FGF6: variants seen among roughly 807,000 people sequenced by gnomAD.
The protein encoded by FGF6 is FGF-6.
Under a neutral mutation model 18.4 loss-of-function variants are expected in FGF6, and 14 were observed. The ratio of observed to expected loss-of-function variants is 0.76; its 90% confidence interval spans 0.50 to 1.19. The LOEUF is 1.19. Ranked by LOEUF, FGF6 falls within the 50% of genes most tolerant of loss-of-function variation. The probability of loss-of-function intolerance (pLI) is 0.00; values close to 1 mark genes in which losing one functional copy is unlikely to be tolerated. For synonymous variants in FGF6, 125 were observed against 116.7 expected, an observed-to-expected ratio of 1.07 and a Z score of -0.46; for missense variants, 266 against 271.6, an observed-to-expected ratio of 0.98 and a Z score of 0.15.
At chr12:4,443,327 G>C (rs1865714542) in intron 2 of FGF6, among the ~76,000 whole-genome samples, 1 of 152,186 alleles carries the variant, frequency 6.6e-6, no homozygotes. Context: ...GGCCTGCTCT[G>C]AGGTCTTCCT....
intron 2 of FGF6, among the ~76,000 whole-genome samples, chr12:4,440,203 A>G (rs1865674880): frequency 6.6e-6 from 1 of 152,172 alleles, no homozygotes; most frequent in Non-Finnish European, 1.5e-5. Context: ...AAATATCTTC[A>G]ATTTGATGTA....
At chr12:4,439,958 C>T (rs564597189) in intron 2 of FGF6, among the ~76,000 whole-genome samples, 3 of 152,306 alleles carry the variant, frequency 2.0e-5, no homozygotes, top group South Asian at 2.1e-4. Flanking sequence ...GGGATTTTCC[C>T]GATGCCCAGA....
At chr12:4,434,735 T>C (rs1004465241) in intron 2 of FGF6, among the ~76,000 whole-genome samples, 4 of 152,186 alleles carry the variant, frequency 2.6e-5, no homozygotes, top group African/African-American at 9.7e-5. Context: ...CCCTAGATGG[T>C]AACTTATTCC....
At chr12:4,443,157 G>A (rs750720299) in intron 2 of FGF6, among the ~76,000 whole-genome samples, 2 of 152,142 alleles carry the variant, frequency 1.3e-5, no homozygotes, top group African/African-American at 2.4e-5. Context: ...TGGTGAACCC[G>A]TTCTTGTATT....
chr12:4,437,083 C>G (rs962141441), intron 2 of FGF6, among the ~76,000 whole-genome samples: 3 of 151,498 alleles, frequency 2.0e-5, no homozygotes, highest in Non-Finnish European at 2.9e-5. Flanking sequence ...CATTTAACCT[C>G]TAAAGCTTCA....
rs780815418 is a variant in FGF6 at position 4,444,113 on chromosome 12, C to T, written c.450+20G>A. On this transcript the variant is annotated intron_variant, in intron 2 of 2. Transcript: ENST00000228837. ...ATCAAGCCTTGTAAACCTGGCACTT[C>T]CCCGGCCTGGTGAACTCACCGTTGC... 2.6e-6 allele frequency: 4 copies of T among 1,536,048 alleles called. No homozygotes were observed. The Admixed American group carries it at 5.0e-5, about 19-fold the overall frequency.
At chr12:4,438,243 C>G (rs548720978) in intron 2 of FGF6, among the ~76,000 whole-genome samples, 12 of 152,272 alleles carry the variant, frequency 7.9e-5, no homozygotes, top group African/African-American at 1.2e-4. Context: ...ACACTATGCT[C>G]TCATTAGTGA....
rs201208817 is a variant in FGF6, at chr12:4,445,339, A to C, written c.232T>G (p.Tyr78Asp). ...CGCTGCCGCTTGATCCCCACCAAAT[A>C]GCCACTTTCCCAGTTCACCCCGGCA... ...EIAGVNWESG[Y>D]LVGIKRQRRL... The change falls in exon 1 of 3, where the codon TAT (tyrosine) becomes GAT (aspartate). Residue 78 changes from tyrosine (Y) to aspartate (D), a missense_variant. By Grantham distance (160) the Tyr-to-Asp change is radical. Coordinates refer to ENST00000228837, the MANE Select transcript of FGF6 (RefSeq NM_020996.3). The surrounding 1 kb of genome is among the most constrained non-coding windows in gnomAD (Gnocchi z 5.5). 6.2e-7 allele frequency: 1 copy of C among 1,614,018 alleles called. No homozygotes were observed. Among genetic ancestry groups the C allele is most frequent in the Non-Finnish European group, 8.5e-7 (1 of 1,180,014 alleles).
chr12:4,443,429 A>G (rs375701409), intron 2 of FGF6, among the ~76,000 whole-genome samples: 75 of 152,330 alleles, frequency 4.9e-4, no homozygotes, highest in African/African-American at 1.7e-3. Context: ...AAGCCAAATG[A>G]TGGGCCGAGG....
intron 2 of FGF6, among the ~76,000 whole-genome samples, chr12:4,441,392 C>T (rs1368895388): frequency 3.3e-5 from 5 of 152,134 alleles, no homozygotes; most frequent in African/African-American, 9.7e-5. Flanking sequence ...ACCGGGTGTC[C>T]GCAGCTGCAC....
chr12:4,434,616 G>A (rs187594033), intron 2 of FGF6, among the ~76,000 whole-genome samples: 2 of 152,168 alleles, frequency 1.3e-5, no homozygotes, highest in East Asian at 1.9e-4. Context: ...CCTCCTTTAC[G>A]ATAAGGAAAC....
chr12:4,445,198 TC>T lies in FGF6; in HGVS notation c.346+26del. 1.9e-6 allele frequency: 3 copies of T among 1,577,568 alleles called. No individual in the cohort carries two copies. Among genetic ancestry groups the T allele is most frequent in the Non-Finnish European group, 2.6e-6 (3 of 1,160,342 alleles). ...CTGCATGAGCCCAAACCCCCAAGCG[TC>T]CCGACTGGCTGCAGCTGGCACTCAC... On this transcript the variant is annotated intron_variant, in intron 1 of 2. Coordinates refer to ENST00000228837, the MANE Select transcript of FGF6 (RefSeq NM_020996.3). The surrounding 1 kb of genome is among the most constrained non-coding windows in gnomAD (Gnocchi z 5.5).
rs547410453 is a variant in FGF6 at position 4,436,461 on chromosome 12, G to T, written c.451-2070C>A. Reference sequence around the variant, plus strand: ...ATAGCAAGACCTTGTCTCTACAAAAGCTTAAAAAAAAAAAAAAGGCAGGTA... The same window carrying T: ...ATAGCAAGACCTTGTCTCTACAAAATCTTAAAAAAAAAAAAAAGGCAGGTA... On this transcript the variant is annotated intron_variant, in intron 2 of 2. Coordinates refer to ENST00000228837, the MANE Select transcript of FGF6 (RefSeq NM_020996.3). 3.6e-5 allele frequency among the ~76,000 whole-genome samples: 5 copies of T among 138,624 alleles called. No homozygotes were observed. The East Asian group carries it at 1.0e-3, about 28-fold the overall frequency. 90.9% of individuals were successfully genotyped at this position (138,624 alleles called of 152,430 possible).
At chr12:4,434,695 T>C (rs1390286908) in intron 2 of FGF6, among the ~76,000 whole-genome samples, 6 of 152,180 alleles carry the variant, frequency 3.9e-5, no homozygotes, top group Non-Finnish European at 7.4e-5. Context: ...CACTCAGGTG[T>C]CCTGACTTCC....
chr12:4,443,629 G>C (rs1279450690), intron 2 of FGF6, among the ~76,000 whole-genome samples: 1 of 152,172 alleles, frequency 6.6e-6, no homozygotes, highest in East Asian at 1.9e-4. Context: ...TACGTGATCG[G>C]AGACCAGAGG....
chr12:4,438,329 G>C (rs551033964), intron 2 of FGF6, among the ~76,000 whole-genome samples: 1 of 152,118 alleles, frequency 6.6e-6, no homozygotes, highest in South Asian at 2.1e-4. Flanking sequence ...AGAGCAATTT[G>C]GCAGCATCTA....
intron 2 of FGF6, among the ~76,000 whole-genome samples, chr12:4,442,300 C>T (rs889703152): frequency 2.0e-5 from 3 of 152,164 alleles, no homozygotes; most frequent in African/African-American, 4.8e-5. Flanking sequence ...TGCTCTTCCC[C>T]GCTTTGTGGC....
Position 4,434,350 on chromosome 12 carries a change from C to A in FGF6, c.492G>T (p.Leu164=), listed in dbSNP as rs747272917. 1 of 1,614,138 alleles carries A rather than the reference C, an allele frequency of 6.2e-7. No homozygotes were observed. Among genetic ancestry groups the A allele is most frequent in the South Asian group, 1.1e-5 (1 of 91,072 alleles). Residue 164 remains leucine, a synonymous_variant, in exon 3 of 3, where the codon CTG becomes CTT. Coordinates refer to ENST00000228837, the MANE Select transcript of FGF6 (RefSeq NM_020996.3). ...ACTCGTAGGCATTGTAATTGTTGGG[C>A]AGGAGGGTTTCTCTGAACTTGCATT... ...QEECKFRETL[L]PNNYNAYESD... is the part of the protein sequence containing the mutation.
chr12:4,445,310 C>A lies in FGF6; in HGVS notation c.261G>T (p.Arg87Ser). The A allele has an allele frequency of 6.2e-7, 1 of 1,614,100 alleles. No homozygotes were observed. The highest frequency in any genetic ancestry group is 1.3e-5 in the African/African-American group (1 of 75,056). Reference protein sequence around the residue: ...GYLVGIKRQRRLYCNVGIGFH... With the variant: ...GYLVGIKRQRSLYCNVGIGFH... ...AGCCGATGCCCACGTTGCAGTAGAG[C>A]CTCCGCTGCCGCTTGATCCCCACCA... The change falls in exon 1 of 3, where the codon AGG (arginine) becomes AGT (serine). Residue 87 changes from arginine (R) to serine (S), a missense_variant. By Grantham distance (110) the Arg-to-Ser change is moderately radical (BLOSUM62 -1). Coordinates refer to ENST00000228837, the MANE Select transcript of FGF6 (RefSeq NM_020996.3). This position sits in a 1 kb window ranked among gnomAD's most constrained non-coding sequence, Gnocchi z 5.5.
Sources: allele counts gnomAD v4.1 joint callset (sites outside exome capture counted in the v4.1 genomes callset), GRCh38; gene constraint gnomAD v4.1.1; non-coding constraint Gnocchi (gnomAD v3.1); transcripts MANE v1.5; gene names NCBI Gene and HGNC (gene_info 2026-07-23, HGNC 2026-07-21).